Variants in NBAS observed in about 807,000 individuals in gnomAD.
NBAS encodes the protein NBAS subunit of NRZ tethering complex, also known as NAG/BC035112 fusion.
In NBAS, 219 loss-of-function variants were observed where a neutral mutation model predicts 302.5. That is an observed-to-expected ratio of 0.72 (90% CI 0.65 to 0.81). NBAS has a LOEUF of 0.81. NBAS is among the 30% of genes least tolerant of loss of function. The pLI is 0.00. For missense variants in NBAS, 2,932 were observed against 2,841.6 expected (o/e 1.03, Z -0.72); for synonymous variants, 1,118 against 1,021.6 (o/e 1.09, Z -1.80).
chr2:14,885,446 G>A, the NBAS span, among the ~76,000 whole-genome samples: 1 of 152,206 alleles, frequency 6.6e-6, no homozygotes, highest in East Asian at 1.9e-4. Context: ...ATGAGGGGGA[G>A]GCAGCATCAA....
chr2:14,835,141 G>A, the NBAS span, among the ~76,000 whole-genome samples: 6 of 151,964 alleles, frequency 3.9e-5, no homozygotes, highest in South Asian at 4.1e-4. Context: ...ACCTATTTGC[G>A]AAATTCAGCA....
chr2:15,190,634 G>C (rs1326016522), intron 48 of NBAS, among the ~76,000 whole-genome samples: 1 of 152,110 alleles, frequency 6.6e-6, no homozygotes, highest in South Asian at 2.1e-4. Flanking sequence ...CTTTAACAAA[G>C]TAAATTCAAA....
At chr2:15,098,375 T>TGTATACTACATATC in the NBAS span, among the ~76,000 whole-genome samples, 2 of 8,718 alleles carry the variant, frequency 2.3e-4, 1 homozygote, top group African/African-American at 9.4e-4. Context: ...TATAATATAT[T>TGTATACTACATATC]ATATATGATA....
intron 35 of NBAS, among the ~76,000 whole-genome samples, chr2:15,332,992 G>T (rs1198705227): frequency 6.6e-6 from 1 of 152,204 alleles, no homozygotes; most frequent in African/African-American, 2.4e-5. Flanking sequence ...CACAGGCTCT[G>T]CCCTCAAGGA....
intron 44 of NBAS, among the ~76,000 whole-genome samples, chr2:15,270,843 CA>C (rs1669285976): frequency 6.6e-6 from 1 of 152,122 alleles, no homozygotes; most frequent in African/African-American, 2.4e-5. Flanking sequence ...ATATATGGCA[CA>C]TAGCAAATGC....
the NBAS span, among the ~76,000 whole-genome samples, chr2:15,051,897 CT>C: frequency 8.6e-5 from 13 of 150,650 alleles, no homozygotes; most frequent in Non-Finnish European, 1.0e-4. Context: ...ACCCCTACCT[CT>C]TTTTTTTTCA....
At chr2:15,514,581 A>T (rs1662300687) in intron 9 of NBAS, among the ~76,000 whole-genome samples, 1 of 151,964 alleles carries the variant, frequency 6.6e-6, no homozygotes, top group Non-Finnish European at 1.5e-5. Context: ...AAATTCCCAA[A>T]GTCCATTATA....
At chr2:15,316,820 G>A (rs1479930356) in intron 38 of NBAS, among the ~76,000 whole-genome samples, 1 of 152,226 alleles carries the variant, frequency 6.6e-6, no homozygotes, top group Admixed American at 6.5e-5. Context: ...AAAGGCAGCA[G>A]ACAACTTCTA....
At chr2:15,494,805 A>G (rs967831540) in intron 11 of NBAS, among the ~76,000 whole-genome samples, 8 of 152,160 alleles carry the variant, frequency 5.3e-5, no homozygotes, top group Non-Finnish European at 1.2e-4. Flanking sequence ...AAACATAGGC[A>G]TATGTTCTTT....
the NBAS span, among the ~76,000 whole-genome samples, chr2:15,091,432 C>A: frequency 6.6e-5 from 10 of 152,326 alleles, no homozygotes; most frequent in Admixed American, 6.5e-4. Flanking sequence ...TATGAAGATC[C>A]ACTTCCACCT....
At chr2:15,514,035 G>A (rs376899689) in intron 9 of NBAS, among the ~76,000 whole-genome samples, 28 of 152,274 alleles carry the variant, frequency 1.8e-4, no homozygotes, top group African/African-American at 6.0e-4. Flanking sequence ...TGAAGATACT[G>A]ACAGATTACT....
At chr2:14,933,572 T>C in the NBAS span, among the ~76,000 whole-genome samples, 1 of 152,218 alleles carries the variant, frequency 6.6e-6, no homozygotes, top group African/African-American at 2.4e-5. Context: ...CTCTTTTTTT[T>C]CTGGCATCCT....
intron 25 of NBAS, among the ~76,000 whole-genome samples, chr2:15,411,254 A>T (rs113558310): frequency 2.6e-5 from 4 of 152,138 alleles, no homozygotes; most frequent in African/African-American, 9.6e-5. Flanking sequence ...CTTCTATCTC[A>T]AGATAGGTAT....
At chr2:14,868,011 A>G in the NBAS span, among the ~76,000 whole-genome samples, 3 of 152,198 alleles carry the variant, frequency 2.0e-5, no homozygotes, top group African/African-American at 7.2e-5. Flanking sequence ...ATTCTTTATT[A>G]CTAGACCTTG....
chr2:15,404,083 T>C (rs1676290691), intron 25 of NBAS, among the ~76,000 whole-genome samples: 1 of 152,084 alleles, frequency 6.6e-6, no homozygotes, highest in South Asian at 2.1e-4. Flanking sequence ...TCTAAGTGTT[T>C]TGTGTGCACT....
At chr2:15,367,530 T>C (rs1422192884) in intron 31 of NBAS, among the ~76,000 whole-genome samples, 1 of 152,236 alleles carries the variant, frequency 6.6e-6, no homozygotes, top group Non-Finnish European at 1.5e-5. Flanking sequence ...AGGCAGGTAC[T>C]ATTATCCTCA....
intron 28 of NBAS, among the ~76,000 whole-genome samples, chr2:15,392,355 C>T (rs994041476): frequency 6.6e-6 from 1 of 151,376 alleles, no homozygotes; most frequent in African/African-American, 2.4e-5. Context: ...ATAGTGTAAT[C>T]TTTTATATAG....
intron 7 of NBAS, 87 bp from the exon 8 acceptor site, chr2:15,536,638 C>A (rs925994989): frequency 1.7e-6 from 2 of 1,173,118 alleles, no homozygotes; most frequent in Non-Finnish European, 2.5e-6. Flanking sequence ...ATCTGATACA[C>A]TGGCTTCAGG....
chr2:15,346,838 C>T (rs562294573), intron 35 of NBAS, among the ~76,000 whole-genome samples: 1 of 152,298 alleles, frequency 6.6e-6, no homozygotes, highest in South Asian at 2.1e-4. Context: ...GGTATGCAAT[C>T]ATGACCTTTG....
Sources: allele counts gnomAD v4.1 joint callset (sites outside exome capture counted in the v4.1 genomes callset), GRCh38; gene constraint gnomAD v4.1.1; transcripts MANE v1.5; gene names NCBI Gene and HGNC (gene_info 2026-07-23, HGNC 2026-07-21).